VWDE: variants seen among roughly 807,000 people sequenced by gnomAD.
VWDE encodes the protein von Willebrand factor D and EGF domain-containing protein.
VWDE carries 207 observed loss-of-function variants against 178.4 expected under a neutral mutation model. The ratio of observed to expected loss-of-function variants is 1.16; its 90% CI spans 1.04 to 1.30. The LOEUF is 1.30. Ranked by LOEUF, VWDE falls within the 50% of genes most tolerant of loss-of-function variation. The pLI is 0.00. For synonymous variants in VWDE, 738 were observed against 651.4 expected (o/e 1.13, Z -2.02); for missense variants, 2,287 against 1,901.3 (o/e 1.20, Z -3.77).
Position 12,336,072 on chromosome 7 carries a change from C to T in VWDE, c.4654+69G>A, listed in dbSNP as rs1781007813. The T allele has an allele frequency of 1.6e-5, 21 of 1,351,864 alleles. No homozygotes were observed. In the South Asian group the frequency reaches 2.6e-4, roughly 17 times the overall value. The allele number at this position is 1,351,864 out of a possible 1,614,324, so 83.7% of individuals were successfully genotyped here. ...TCCCCCTTATGGACTTGTCCTAAAG[C>T]TATACTTTAATTATTATAACAGATT... is the stretch of plus-strand genomic sequence containing the variant. On this transcript the variant is annotated intron_variant, in intron 27 of 28. Transcript: ENST00000275358.
intron 19 of VWDE, among the ~76,000 whole-genome samples, chr7:12,346,480 T>C (rs1781604472): frequency 1.3e-5 from 2 of 152,132 alleles, no homozygotes; most frequent in African/African-American, 2.4e-5. Flanking sequence ...TGGGAAATTA[T>C]ATAAATGCTA....
intron 1 of VWDE, among the ~76,000 whole-genome samples, chr7:12,403,131 G>T (rs1293719342): frequency 3.3e-5 from 5 of 152,164 alleles, no homozygotes; most frequent in Non-Finnish European, 1.5e-5. Flanking sequence ...TGCCAAAACT[G>T]ATTCTAACAT....
chr7:12,368,076 AT>A (rs948977195), intron 12 of VWDE, among the ~76,000 whole-genome samples: 3 of 151,366 alleles, frequency 2.0e-5, no homozygotes, highest in Non-Finnish European at 4.4e-5. Flanking sequence ...CTTGATGAAA[AT>A]TTTTTTTAAA....
intron 24 of VWDE, among the ~76,000 whole-genome samples, chr7:12,338,637 T>C (rs1781164425): frequency 6.6e-6 from 1 of 152,062 alleles, no homozygotes. Flanking sequence ...AGTCTCACAT[T>C]AGGAAAACGA....
chr7:12,393,680 G>C lies in VWDE; in HGVS notation c.157C>G (p.Leu53Val), dbSNP rs1173779654. The C allele has an allele frequency of 1.4e-5, 21 of 1,551,240 alleles. No individual in the cohort carries two copies. The highest frequency in any genetic ancestry group is 1.7e-5 in the Non-Finnish European group (19 of 1,146,688). The stretch of plus-strand genomic sequence containing the variant: ...GGGGAGAGGGAATGGTCACATATTA[G>C]GTCTTGAACAGCTGACTGCTGGAGG... ...WHLQQSAVQD[L>V]ICDHSLSPGW... The change falls in exon 2 of 29, where the codon CTA (leucine) becomes GTA (valine). Residue 53 changes from leucine to valine, a missense_variant. Physicochemically the swap from Leu to Val is conservative, Grantham distance 32. Transcript: ENST00000275358.
intron 19 of VWDE, among the ~76,000 whole-genome samples, chr7:12,350,150 T>G (rs1460500887): frequency 6.6e-6 from 1 of 151,658 alleles, no homozygotes; most frequent in East Asian, 1.9e-4. Flanking sequence ...CATAATCATA[T>G]AGTCAATATA....
At chr7:12,403,565 C>T in intron 1 of VWDE, 94 bp downstream of exon 1, 1 of 1,234,160 alleles carries the variant, frequency 8.1e-7, no homozygotes, top group East Asian at 2.7e-5. Flanking sequence ...CGCACAGGGA[C>T]GCTCCCCAAG....
chr7:12,388,984 G>T (rs1339062622), intron 3 of VWDE, 143 bp downstream of exon 3: 2 of 771,268 alleles, frequency 2.6e-6, no homozygotes, highest in East Asian at 5.3e-5. Context: ...AATGTAAACA[G>T]AAATTTAGCT....
rs1466791196 is a variant in VWDE at position 12,359,640 on chromosome 7, G to A, written c.3212C>T (p.Pro1071Leu). 1.9e-6 allele frequency: 3 copies of A among 1,550,038 alleles called. No homozygotes were observed. In the Admixed American group the frequency reaches 5.9e-5, roughly 30 times the overall value. Reference sequence around the variant, plus strand: ...TCTACAAATCAAACAAGGGCTGGTTGGATTTTTGTCTCCTTCAACATAGCA... The same window carrying A: ...TCTACAAATCAAACAAGGGCTGGTTAGATTTTTGTCTCCTTCAACATAGCA... ...GLCYVEGDKN[P>L]TSPCLICRPK... The change falls in exon 16 of 29, where the codon CCA (proline) becomes CTA (leucine). Residue 1071 changes from proline (P) to leucine (L), a missense_variant. Transcript: ENST00000275358.
intron 1 of VWDE, among the ~76,000 whole-genome samples, chr7:12,399,411 A>G (rs995116676): frequency 6.6e-6 from 1 of 152,202 alleles, no homozygotes; most frequent in African/African-American, 2.4e-5. Flanking sequence ...ACCTAATAAC[A>G]GAGCACTGAA....
At position 12,344,380 on chromosome 7, in the gene VWDE, G is replaced by A. The variant is rs756760186; in HGVS notation, c.3976C>T (p.Gln1326Ter). ...CKPGYIGSNCQTALCDPDCKN... is the reference protein window; with the variant it reads ...CKPGYIGSNC ...AATGAATGATGTTACCTACCAGTTT[G>A]GCAGTTAGAACCAATGTAACCAGGT... Residue 1326 changes from glutamine (Q) to a stop codon, truncating the protein, a stop_gained, in exon 20 of 29, where the codon CAA becomes TAA. Transcript: ENST00000275358. LOFTEE classifies it high-confidence loss of function. 1.9e-6 allele frequency: 3 copies of A among 1,550,708 alleles called. No homozygotes were observed. Among genetic ancestry groups the A allele is most frequent in the Non-Finnish European group, 2.6e-6 (3 of 1,146,454 alleles).
intron 26 of VWDE, 30 bp downstream of exon 26, chr7:12,336,958 G>A (rs1781067879): frequency 6.6e-7 from 1 of 1,516,856 alleles, no homozygotes; most frequent in African/African-American, 1.4e-5. Flanking sequence ...AAGGACGAAA[G>A]CTTCAGTGTT....
At chr7:12,359,269 A>T (rs1220366959) in intron 16 of VWDE, among the ~76,000 whole-genome samples, 1 of 152,202 alleles carries the variant, frequency 6.6e-6, no homozygotes, top group Non-Finnish European at 1.5e-5. Flanking sequence ...ACAAGTGCTG[A>T]ATCCATGGCC....
At chr7:12,337,533 T>C (rs1282325010) in intron 24 of VWDE, among the ~76,000 whole-genome samples, 1 of 152,160 alleles carries the variant, frequency 6.6e-6, no homozygotes, top group African/African-American at 2.4e-5. Flanking sequence ...ACAATGAATA[T>C]ATTATAAACC....
At chr7:12,351,220 T>G (rs757015191) in intron 19 of VWDE, among the ~76,000 whole-genome samples, 1 of 152,282 alleles carries the variant, frequency 6.6e-6, no homozygotes, top group South Asian at 2.1e-4. Flanking sequence ...AGGAAAGGCC[T>G]TGTGAAATAG....
chr7:12,347,012 A>G (rs1781641959), intron 19 of VWDE, among the ~76,000 whole-genome samples: 1 of 152,200 alleles, frequency 6.6e-6, no homozygotes, highest in Non-Finnish European at 1.5e-5. Flanking sequence ...CATAAAAAGC[A>G]TATGGGTTCA....
In VWDE at chr7:12,340,360, A is replaced by C; in HGVS notation, c.4328T>G (p.Leu1443Arg). The C allele has an allele frequency of 1.3e-6, 2 of 1,551,522 alleles. No homozygotes were observed. The highest frequency in any genetic ancestry group is 1.7e-6 in the Non-Finnish European group (2 of 1,146,840). The part of the protein sequence containing the change: ...GGSCNKPNTC[L>R]CPNGFFGEHC... The stretch of plus-strand genomic sequence containing the variant: ...TTCCCCAAAGAATCCATTTGGACAG[A>C]GGCAAGTATTTGGCTTATTACACGA... The change falls in exon 24 of 29, where the codon CTC becomes CGC. Residue 1443 changes from leucine to arginine, a missense_variant. Leu to Arg is a moderately radical substitution (Grantham distance 102, BLOSUM62 -2). Coordinates refer to ENST00000275358, the MANE Select transcript of VWDE (RefSeq NM_001135924.3).
chr7:12,389,381 A>G (rs1274385121), intron 2 of VWDE, 23 bp from the exon 3 acceptor site: 3 of 1,504,876 alleles, frequency 2.0e-6, no homozygotes, highest in African/African-American at 2.8e-5. Context: ...AGAAAACAAA[A>G]GTTGAAAATT....
intron 26 of VWDE, among the ~76,000 whole-genome samples, chr7:12,336,673 G>A (rs1781050559): frequency 6.6e-6 from 1 of 151,780 alleles, no homozygotes; most frequent in African/African-American, 2.4e-5. Context: ...TTTGAGGTGG[G>A]GCCAAGAAGT....
Sources: gnomAD v4.1 joint callset for allele counts (sites outside exome capture counted in the v4.1 genomes callset) on GRCh38, gnomAD v4.1.1 for gene constraint, MANE v1.5 for transcripts, NCBI Gene and HGNC (gene_info 2026-07-23, HGNC 2026-07-21) for gene names.